The following KANTR variants were observed in gnomAD, a reference collection of about 807,000 sequenced individuals.
The protein encoded by KANTR is KDM5C adjacent transcript.
chrX:53,144,635 G>T (rs782391589), downstream of KANTR, among the ~76,000 whole-genome samples: 1 of 110,808 alleles, frequency 9.0e-6, no homozygotes, highest in Admixed American at 9.6e-5. Flanking sequence ...GGCGGAGGTC[G>T]CAGTCAGCTT....
chrX:53,106,383 A>G (rs1434358148), intron 2 of KANTR, among the ~76,000 whole-genome samples: 1 of 109,403 alleles, frequency 9.1e-6, no homozygotes, highest in Non-Finnish European at 1.9e-5. Context: ...TAGCTCTTAC[A>G]TTTAGGACAG....
At chrX:53,140,364 G>A (rs1292675133) in intron 2 of KANTR, among the ~76,000 whole-genome samples, 1 of 110,640 alleles carries the variant, frequency 9.0e-6, no homozygotes, top group Non-Finnish European at 1.9e-5. Flanking sequence ...AGCTGGATGT[G>A]GTGGTGGACT....
chrX:53,128,536 T>TA (rs1933318480), downstream of KANTR, among the ~76,000 whole-genome samples: 1 of 111,882 alleles, frequency 8.9e-6, no homozygotes, highest in Non-Finnish European at 1.9e-5. Context: ...TATTAAATCT[T>TA]ACTCATTCTG....
chrX:53,099,036 T>A (rs1414326496), intron 1 of KANTR, among the ~76,000 whole-genome samples: 2 of 110,919 alleles, frequency 1.8e-5, no homozygotes, highest in East Asian at 2.8e-4. Flanking sequence ...TTTTTTTTTT[T>A]AATTTTTGTG....
At chrX:53,142,578 T>C (rs145431719) in exon 3 of KANTR, 9,403 of 292,240 alleles carry the variant, frequency 0.032, 738 homozygotes, top group African/African-American at 0.23. Context: ...CCTCCCAAAG[T>C]GCTGGGATTA....
At chrX:53,139,671 T>A (rs184349368) in intron 2 of KANTR, among the ~76,000 whole-genome samples, 36 of 111,029 alleles carry the variant, frequency 3.2e-4, no homozygotes, top group East Asian at 2.8e-3. Flanking sequence ...TAATTTTTTT[T>A]TAAATTACCT....
intron 2 of KANTR, among the ~76,000 whole-genome samples, chrX:53,134,729 A>G (rs1170471960): frequency 8.9e-5 from 10 of 111,858 alleles, no homozygotes; most frequent in African/African-American, 3.3e-4. Context: ...GGGAGTGAGG[A>G]ATGAAGGTAA....
downstream of KANTR, among the ~76,000 whole-genome samples, chrX:53,128,114 C>A (rs1362271581): frequency 1.8e-5 from 2 of 111,649 alleles, no homozygotes; most frequent in South Asian, 7.5e-4. Flanking sequence ...CCCATGACTC[C>A]GGATACTAAT....
chrX:53,143,475 G>A (rs782128371), downstream of KANTR: 174 of 589,512 alleles, frequency 3.0e-4, no homozygotes, highest in Middle Eastern at 6.7e-4. Flanking sequence ...CCAGTGATGC[G>A]CCCAGAGGCT....
intron 2 of KANTR, among the ~76,000 whole-genome samples, chrX:53,140,600 G>A (rs1301498278): frequency 9.1e-6 from 1 of 109,460 alleles, no homozygotes; most frequent in Non-Finnish European, 1.9e-5. Context: ...GATATATAAG[G>A]GGCCATATGC....
At chrX:53,140,167 C>T (rs1170417688) in intron 2 of KANTR, among the ~76,000 whole-genome samples, 2 of 112,087 alleles carry the variant, frequency 1.8e-5, no homozygotes, top group African/African-American at 6.5e-5. Context: ...GCAGCTGTTC[C>T]GAAGAGCTGT....
chrX:53,117,619 T>G lies in KANTR; in HGVS notation c.-804-5850T>G, dbSNP rs868942411. Among the ~76,000 whole-genome samples the G allele has an allele frequency of 2.5e-4, 24 of 95,913 alleles. No homozygotes were observed. In the South Asian group the frequency reaches 6.8e-3, roughly 27 times the overall value. 83.3% of individuals were successfully genotyped at this position (95,913 alleles called of 115,157 possible). On this transcript the variant is annotated intron_variant, in intron 2 of 2. Transcript: ENST00000604062. ...TGTGTGTGTGTGTGTGTTTTTTTTTTTTTTTTTTTTTTTTTGAGACGGAGT... is the reference window on the plus strand; with the variant it reads ...TGTGTGTGTGTGTGTGTTTTTTTTTGTTTTTTTTTTTTTTTGAGACGGAGT...
rs1602115122 is a variant in KANTR at position 53,105,709 on chromosome X, A to T, written c.-805+6101A>T. Among the ~76,000 whole-genome samples the T allele has an allele frequency of 2.9e-5, 3 of 102,045 alleles. No homozygotes were observed. In the East Asian group the frequency reaches 9.2e-4, roughly 31 times the overall value. 88.6% of individuals were successfully genotyped at this position (102,045 alleles called of 115,157 possible). A position where few individuals can be genotyped will look rare whatever the true frequency, so the allele number is the denominator to read the frequency against. ...AGAGATGGGGTTTCCTGTGTTGCCC[A>T]GGCTGATCTCGAACTCCTGAGCTCA... On this transcript the variant is annotated intron_variant, in intron 2 of 2. Coordinates refer to ENST00000604062, the Ensembl canonical transcript of KANTR.
chrX:53,100,658 C>T (rs1932883924), intron 2 of KANTR, among the ~76,000 whole-genome samples: 1 of 108,425 alleles, frequency 9.2e-6, no homozygotes, highest in Middle Eastern at 5.0e-3. Flanking sequence ...ATTGGCTGGG[C>T]GTGGTGGCGG....
At position 53,117,150 on chromosome X, in the gene KANTR, C is replaced by G. The variant is rs188039884; in HGVS notation, c.-804-6319C>G. The stretch of plus-strand genomic sequence containing the variant: ...TATAAAAATTAGCTGGGTGTGACGG[C>G]ATGTGCCTGTAATCCCAGCTACTTG... On this transcript the variant is annotated intron_variant, in intron 2 of 2. Coordinates refer to ENST00000604062, the Ensembl canonical transcript of KANTR. 2.7e-5 allele frequency among the ~76,000 whole-genome samples: 3 copies of G among 110,627 alleles called. No homozygotes were observed. The East Asian group carries it at 8.5e-4, about 31-fold the overall frequency.
downstream of KANTR, among the ~76,000 whole-genome samples, chrX:53,131,965 G>A (rs1272658249): frequency 8.9e-6 from 1 of 112,253 alleles, no homozygotes; most frequent in Non-Finnish European, 1.9e-5. Context: ...AAAATTAGTT[G>A]TATATCTATA....
At chrX:53,100,129 C>A (rs1172859257) in intron 2 of KANTR, among the ~76,000 whole-genome samples, 1 of 112,401 alleles carries the variant, frequency 8.9e-6, no homozygotes, top group Non-Finnish European at 1.9e-5. Flanking sequence ...TGACTTCTTT[C>A]TAGCTATAAA....
downstream of KANTR, among the ~76,000 whole-genome samples, chrX:53,146,105 A>G (rs898526393): frequency 1.8e-5 from 2 of 112,338 alleles, no homozygotes; most frequent in East Asian, 2.8e-4. Context: ...TCCTCCTCCA[A>G]AGGAACACAG....
At chrX:53,136,060 G>C (rs1220732650) in intron 2 of KANTR, among the ~76,000 whole-genome samples, 2 of 111,592 alleles carry the variant, frequency 1.8e-5, no homozygotes, top group Admixed American at 9.5e-5. Context: ...CCACATTAGC[G>C]AACATATGTC....
Sources: allele counts gnomAD v4.1 joint callset (sites outside exome capture counted in the v4.1 genomes callset), GRCh38; gene constraint gnomAD v4.1.1; transcripts MANE v1.5; gene names NCBI Gene and HGNC (gene_info 2026-07-23, HGNC 2026-07-21).